Variants in GABRB3 observed in about 807,000 individuals in gnomAD.
GABRB3 encodes the protein gamma-aminobutyric acid type A receptor subunit beta3.
GABRB3 carries 14 observed loss-of-function variants against 52.1 expected under a neutral mutation model. The observed-to-expected ratio is 0.27, with a 90% confidence interval of 0.18 to 0.42. GABRB3 has a LOEUF of 0.42. Among genes scored for constraint, GABRB3 ranks in the 10% least tolerant of loss-of-function variants. The pLI, the probability that GABRB3 is intolerant of heterozygous loss-of-function variation, is 1.00. For missense variants in GABRB3, 307 were observed against 609.1 expected (o/e 0.50, Z 5.22); for synonymous variants, 260 against 232.3 (o/e 1.12, Z -1.08).
At chr15:26,692,944 A>T (rs1272417195) in intron 3 of GABRB3, among the ~76,000 whole-genome samples, 1 of 152,198 alleles carries the variant, frequency 6.6e-6, no homozygotes, top group Non-Finnish European at 1.5e-5. Flanking sequence ...AAGGATTTAG[A>T]TCCGAACTTT....
chr15:26,696,097 C>T (rs1378150316), intron 3 of GABRB3, among the ~76,000 whole-genome samples: 1 of 152,166 alleles, frequency 6.6e-6, no homozygotes, highest in East Asian at 1.9e-4. Flanking sequence ...GGAAATTTTA[C>T]ATTCTTTGAG....
At chr15:26,568,683 G>GGT (rs1890277741) in intron 6 of GABRB3, among the ~76,000 whole-genome samples, 4 of 66,332 alleles carry the variant, frequency 6.0e-5, no homozygotes, top group East Asian at 4.7e-3. Context: ...TTTTTTTTTT[G>GGT]GTTTTGTATG....
intron 4 of GABRB3, among the ~76,000 whole-genome samples, chr15:26,606,080 A>G (rs1891780114): frequency 6.6e-6 from 1 of 152,082 alleles, no homozygotes; most frequent in Non-Finnish European, 1.5e-5. Context: ...GGGGGAAATC[A>G]GCCCAGCAAT....
chr15:26,661,436 TC>T (rs1189698685), intron 3 of GABRB3, among the ~76,000 whole-genome samples: 1 of 152,148 alleles, frequency 6.6e-6, no homozygotes, highest in African/African-American at 2.4e-5. Flanking sequence ...AATTAAAGTT[TC>T]CTTTAATTCT....
At chr15:26,568,500 CTTT>C (rs11419760) in intron 6 of GABRB3, among the ~76,000 whole-genome samples, 39 of 137,702 alleles carry the variant, frequency 2.8e-4, no homozygotes, top group South Asian at 4.8e-4. Flanking sequence ...GTTTTCCTTT[CTTT>C]TTTTTTTTTT....
chr15:26,627,433 G>A (rs979678885), intron 3 of GABRB3, among the ~76,000 whole-genome samples: 20 of 149,126 alleles, frequency 1.3e-4, no homozygotes, highest in Admixed American at 8.7e-4. Flanking sequence ...TTATTTTTAC[G>A]GATCTGGGCA....
chr15:26,629,828 C>T (rs1300738149), intron 3 of GABRB3, among the ~76,000 whole-genome samples: 2 of 150,880 alleles, frequency 1.3e-5, no homozygotes, highest in Non-Finnish European at 1.5e-5. Context: ...AATTAATTAA[C>T]TGACACACTG....
At chr15:26,730,762 C>T (rs528203025) in intron 3 of GABRB3, among the ~76,000 whole-genome samples, 34 of 152,206 alleles carry the variant, frequency 2.2e-4, no homozygotes, top group Non-Finnish European at 3.8e-4. Context: ...CTTAAATCCT[C>T]CATCTGTTTT....
chr15:26,566,877 T>C (rs1027976542), intron 7 of GABRB3, among the ~76,000 whole-genome samples: 1 of 152,180 alleles, frequency 6.6e-6, no homozygotes, highest in Non-Finnish European at 1.5e-5. Flanking sequence ...AGGAAATAAA[T>C]TCAACCCTAT....
intron 3 of GABRB3, among the ~76,000 whole-genome samples, chr15:26,713,996 T>A (rs1430126533): frequency 6.6e-6 from 1 of 152,154 alleles, no homozygotes; most frequent in African/African-American, 2.4e-5. Flanking sequence ...AGGTGACCAC[T>A]CTGGCAGAGA....
At chr15:26,639,883 C>G (rs1260741623) in intron 3 of GABRB3, among the ~76,000 whole-genome samples, 1 of 152,106 alleles carries the variant, frequency 6.6e-6, no homozygotes, top group Non-Finnish European at 1.5e-5. Context: ...ATCAGGCAGG[C>G]AGATGGAAGA....
chr15:26,754,592 T>C (rs1890605908), intron 3 of GABRB3, among the ~76,000 whole-genome samples: 1 of 152,234 alleles, frequency 6.6e-6, no homozygotes, highest in Non-Finnish European at 1.5e-5. Flanking sequence ...CTTTGAATCA[T>C]ATTAAATGAT....
intron 4 of GABRB3, among the ~76,000 whole-genome samples, chr15:26,609,690 T>C (rs533276632): frequency 6.6e-6 from 1 of 152,300 alleles, no homozygotes; most frequent in South Asian, 2.1e-4. Context: ...AGGAAGAATA[T>C]GTTATTTTTA....
intron 3 of GABRB3, among the ~76,000 whole-genome samples, chr15:26,623,417 A>T (rs1383945716): frequency 6.6e-6 from 1 of 152,112 alleles, no homozygotes; most frequent in Non-Finnish European, 1.5e-5. Flanking sequence ...GACCCTGTGG[A>T]CCTTGGAGGG....
chr15:26,760,510 T>C (rs1382702382), intron 3 of GABRB3, among the ~76,000 whole-genome samples: 2 of 152,118 alleles, frequency 1.3e-5, no homozygotes, highest in Non-Finnish European at 2.9e-5. Context: ...ATGGAGGAAA[T>C]TGCCTAGATA....
In GABRB3 at chr15:26,575,351, G is replaced by A. The variant is rs1890558266; in HGVS notation, c.682+4968C>T. On this transcript the variant is annotated intron_variant, in intron 6 of 8. Transcript: ENST00000311550. ...ATTTTGGACTGAGAGATTAGGGATT[G>A]TAACCGGCTAGGAAGCACAGGTGAA... Among the ~76,000 whole-genome samples, 2 of 152,210 alleles carry A rather than the reference G, an allele frequency of 1.3e-5. 1 individual carries two copies. The highest frequency in any genetic ancestry group is 4.1e-4 in the South Asian group (2 of 4,830).
At chr15:26,772,553 G>A (rs1459920827) in intron 2 of GABRB3, 84 bp from the exon 3 acceptor site, 2 of 1,487,326 alleles carry the variant, frequency 1.3e-6, no homozygotes, top group Non-Finnish European at 1.8e-6. Context: ...TATCCCAGGA[G>A]GGGCGCGGGC....
chr15:26,755,584 A>T (rs1464335570), intron 3 of GABRB3, among the ~76,000 whole-genome samples: 1 of 152,196 alleles, frequency 6.6e-6, no homozygotes, highest in Non-Finnish European at 1.5e-5. Context: ...GATTTAACTC[A>T]ATTTTACTTT....
chr15:26,765,613 A>T (rs1416651683), intron 3 of GABRB3, among the ~76,000 whole-genome samples: 2 of 152,154 alleles, frequency 1.3e-5, no homozygotes, highest in Non-Finnish European at 2.9e-5. Context: ...CCTTTCCACA[A>T]ATATTCGTAT....
Sources: allele counts gnomAD v4.1 joint callset (sites outside exome capture counted in the v4.1 genomes callset), GRCh38; gene constraint gnomAD v4.1.1; transcripts MANE v1.5; gene names NCBI Gene and HGNC (gene_info 2026-07-23, HGNC 2026-07-21).